Variants in TEAD1 observed in about 807,000 individuals in gnomAD.
TEAD1 encodes the protein TEA domain transcription factor 1.
In TEAD1, 9 loss-of-function variants were observed where a neutral mutation model predicts 54.9. The observed-to-expected ratio is 0.16, with a 90% CI of 0.10 to 0.29. The LOEUF is 0.29. Among genes scored for constraint, TEAD1 ranks in the 10% least tolerant of loss-of-function variants. The probability of loss-of-function intolerance (pLI) is 1.00; values close to 1 mark genes in which losing one functional copy is unlikely to be tolerated. For synonymous variants in TEAD1, 200 were observed against 187.8 expected, an observed-to-expected ratio of 1.07 and a Z score of -0.53; for missense variants, 387 against 535.9, an observed-to-expected ratio of 0.72 and a Z score of 2.74.
intron 9 of TEAD1, among the ~76,000 whole-genome samples, chr11:12,893,640 A>G (rs1589966726): frequency 6.6e-6 from 1 of 150,470 alleles, no homozygotes; most frequent in Non-Finnish European, 1.5e-5. Flanking sequence ...GGGAAGACAC[A>G]CTCCTGTCTG....
intron 3 of TEAD1, among the ~76,000 whole-genome samples, chr11:12,861,700 A>G (rs1234267188): frequency 6.6e-6 from 1 of 152,200 alleles, no homozygotes; most frequent in Non-Finnish European, 1.5e-5. Flanking sequence ...AAAAAGATAA[A>G]TTTCAGCTGG....
At chr11:12,859,121 G>A (rs1251818278) in intron 3 of TEAD1, among the ~76,000 whole-genome samples, 1 of 152,240 alleles carries the variant, frequency 6.6e-6, no homozygotes, top group Non-Finnish European at 1.5e-5. Flanking sequence ...CAAAGTGTGA[G>A]TTGACACTGT....
Position 12,937,096 on chromosome 11 carries a change from T to C in TEAD1, c.1168-13T>C. On this transcript the variant is annotated splice_polypyrimidine_tract_variant and intron_variant, in intron 12 of 12. Coordinates refer to ENST00000527636, the MANE Select transcript of TEAD1 (RefSeq NM_021961.6). ...TCCTTTTGGTATTATATACTTTTTT[T>C]TTATCTTAACAGGTGGTAACAAACA... 6.3e-7 allele frequency: 1 copy of C among 1,586,058 alleles called. No individual in the cohort carries two copies. Among genetic ancestry groups the C allele is most frequent in the East Asian group, 2.2e-5 (1 of 44,612 alleles).
At chr11:12,681,155 G>T (rs1943212868) in intron 2 of TEAD1, among the ~76,000 whole-genome samples, 1 of 152,114 alleles carries the variant, frequency 6.6e-6, no homozygotes, top group African/African-American at 2.4e-5. Flanking sequence ...GAAATCCTGG[G>T]CACTTAGAAG....
intron 3 of TEAD1, among the ~76,000 whole-genome samples, chr11:12,797,579 A>G (rs1419737961): frequency 6.7e-6 from 1 of 150,248 alleles, no homozygotes; most frequent in African/African-American, 2.5e-5. Flanking sequence ...TTTTTAAACT[A>G]ACCTTTCTTC....
In TEAD1 at chr11:12,810,876, G is replaced by A. The variant is rs1193758081; in HGVS notation, c.202+46442G>A. Among the ~76,000 whole-genome samples the A allele has an allele frequency of 2.0e-5, 3 of 152,186 alleles. No individual in the cohort carries two copies. The East Asian group carries it at 5.8e-4, about 29-fold the overall frequency. On this transcript the variant is annotated intron_variant, in intron 3 of 12. Transcript: ENST00000527636. ...AGTTAATAGTCCTTTTCCTAGACTGGTGAGATGGTTGCTTTCATCTCAGCC... is the reference window on the plus strand; with the variant it reads ...AGTTAATAGTCCTTTTCCTAGACTGATGAGATGGTTGCTTTCATCTCAGCC...
At chr11:12,804,066 ATAG>A (rs1225339178) in intron 3 of TEAD1, among the ~76,000 whole-genome samples, 1 of 152,236 alleles carries the variant, frequency 6.6e-6, no homozygotes, top group Non-Finnish European at 1.5e-5. Flanking sequence ...CAGTGATAAA[ATAG>A]TAGAATTTAA....
At chr11:12,734,531 G>A (rs1944487989) in intron 2 of TEAD1, among the ~76,000 whole-genome samples, 1 of 152,084 alleles carries the variant, frequency 6.6e-6, no homozygotes, top group Admixed American at 6.6e-5. Context: ...TCATTGACTC[G>A]CCCAGAGCAA....
At chr11:12,784,201 A>C (rs1786539615) in intron 3 of TEAD1, among the ~76,000 whole-genome samples, 1 of 152,098 alleles carries the variant, frequency 6.6e-6, no homozygotes, top group Admixed American at 6.5e-5. Context: ...GATGAGGGAG[A>C]AGATGAAGAT....
intron 2 of TEAD1, among the ~76,000 whole-genome samples, chr11:12,728,801 C>T (rs1944363971): frequency 6.6e-6 from 1 of 152,184 alleles, no homozygotes; most frequent in Non-Finnish European, 1.5e-5. Context: ...CCTTCTTTAA[C>T]CTCTTTTCTT....
rs908894052 is a variant in TEAD1, at chr11:12,866,146, G to T, written c.330+1246G>T. On this transcript the variant is annotated intron_variant, in intron 5 of 12. Transcript: ENST00000527636. ...AGCTGCACTGGCTGAGCAGTTGGAA[G>T]ACTAAGATAACTTTGTAGATCCTGC... Among the ~76,000 whole-genome samples the T allele has an allele frequency of 5.3e-5, 8 of 152,210 alleles. No homozygotes were observed. In the South Asian group the frequency reaches 1.7e-3, roughly 32 times the overall value.
intron 2 of TEAD1, among the ~76,000 whole-genome samples, chr11:12,728,905 T>C (rs995024523): frequency 1.3e-5 from 2 of 152,204 alleles, no homozygotes; most frequent in Admixed American, 1.3e-4. Context: ...GCCCAAACCA[T>C]TGGACCATGG....
chr11:12,751,944 C>T (rs755701376), intron 2 of TEAD1, among the ~76,000 whole-genome samples: 5 of 152,110 alleles, frequency 3.3e-5, no homozygotes, highest in Non-Finnish European at 5.9e-5. Context: ...GGCTTGACCA[C>T]GAGGTAAAAA....
At chr11:12,863,601 T>G (rs1328221627) in intron 4 of TEAD1, among the ~76,000 whole-genome samples, 1 of 152,136 alleles carries the variant, frequency 6.6e-6, no homozygotes, top group Non-Finnish European at 1.5e-5. Flanking sequence ...GAGTTGGAAA[T>G]GGGGTAATCA....
chr11:12,746,623 C>T (rs1944749204), intron 2 of TEAD1, among the ~76,000 whole-genome samples: 1 of 152,198 alleles, frequency 6.6e-6, no homozygotes. Flanking sequence ...CTCTTTGACA[C>T]ATGTTCAAAG....
chr11:12,825,122 A>G (rs1428767163), intron 3 of TEAD1, among the ~76,000 whole-genome samples: 4 of 152,210 alleles, frequency 2.6e-5, no homozygotes, highest in Non-Finnish European at 5.9e-5. Flanking sequence ...TCTTCAAGAA[A>G]GATAATAGCT....
At chr11:12,877,375 G>T (rs899762300) in intron 5 of TEAD1, among the ~76,000 whole-genome samples, 6 of 152,218 alleles carry the variant, frequency 3.9e-5, no homozygotes, top group Admixed American at 3.9e-4. Context: ...TAATGTGGCT[G>T]GGCGTGGTGG....
At chr11:12,873,723 A>C (rs895582963) in intron 5 of TEAD1, among the ~76,000 whole-genome samples, 5 of 152,208 alleles carry the variant, frequency 3.3e-5, no homozygotes, top group African/African-American at 1.2e-4. Flanking sequence ...AAAAAAATCA[A>C]GTGCCCTCCA....
At chr11:12,904,226 T>G (rs1047664897) in intron 10 of TEAD1, among the ~76,000 whole-genome samples, 3 of 151,952 alleles carry the variant, frequency 2.0e-5, no homozygotes, top group Non-Finnish European at 4.4e-5. Flanking sequence ...TTCATGAATT[T>G]TATTACAACC....
Sources: allele counts gnomAD v4.1 joint callset (sites outside exome capture counted in the v4.1 genomes callset), GRCh38; gene constraint gnomAD v4.1.1; transcripts MANE v1.5; gene names NCBI Gene and HGNC (gene_info 2026-07-23, HGNC 2026-07-21).